FRMD5: variants seen among roughly 807,000 people sequenced by gnomAD.
The protein encoded by FRMD5 is FERM domain containing 5.
In FRMD5, 20 loss-of-function variants were observed where a neutral mutation model predicts 69.0. The ratio of observed to expected loss-of-function variants is 0.29; its 90% CI spans 0.20 to 0.42. The LOEUF (loss-of-function observed/expected upper bound fraction) is 0.42. FRMD5 is among the 10% of genes least tolerant of loss of function. FRMD5 has a pLI of 1.00. For missense variants in FRMD5, 595 were observed against 708.6 expected, an observed-to-expected ratio of 0.84 and a Z score of 1.82; for synonymous variants, 271 against 260.1, an observed-to-expected ratio of 1.04 and a Z score of -0.40.
intron 1 of FRMD5, among the ~76,000 whole-genome samples, chr15:43,928,399 C>T (rs192396905): frequency 6.6e-6 from 1 of 152,216 alleles, no homozygotes; most frequent in African/African-American, 2.4e-5. Context: ...GAGCTCTGCG[C>T]AGAGGCACCT....
intron 13 of FRMD5, among the ~76,000 whole-genome samples, chr15:43,881,069 CTT>C (rs2088514614): frequency 6.6e-6 from 1 of 152,234 alleles, no homozygotes; most frequent in South Asian, 2.1e-4. Flanking sequence ...AGCCCTCCCT[CTT>C]TTGGGAATGC....
chr15:43,907,331 G>C (rs1392390532), intron 5 of FRMD5, among the ~76,000 whole-genome samples: 2 of 152,200 alleles, frequency 1.3e-5, no homozygotes, highest in Non-Finnish European at 2.9e-5. Context: ...TCTACTGTTA[G>C]CAAGAGACCC....
chr15:44,171,026 A>C (rs1018388852), intron 1 of FRMD5, among the ~76,000 whole-genome samples: 13 of 152,156 alleles, frequency 8.5e-5, no homozygotes, highest in African/African-American at 3.1e-4. Flanking sequence ...GTTTTTTAAA[A>C]ACACACACAT....
chr15:43,910,312 A>C (rs1256908588), intron 4 of FRMD5, among the ~76,000 whole-genome samples: 1 of 151,998 alleles, frequency 6.6e-6, no homozygotes, highest in Non-Finnish European at 1.5e-5. Flanking sequence ...GAAAAAGAAA[A>C]CTATGCCATC....
intron 1 of FRMD5, among the ~76,000 whole-genome samples, chr15:44,183,900 T>G (rs2078054760): frequency 6.6e-6 from 1 of 151,672 alleles, no homozygotes; most frequent in Non-Finnish European, 1.5e-5. Flanking sequence ...GAGAATCACT[T>G]GAACCCAGGA....
chr15:43,889,904 A>T (rs536796664), intron 8 of FRMD5, among the ~76,000 whole-genome samples: 4 of 152,250 alleles, frequency 2.6e-5, no homozygotes, highest in African/African-American at 9.6e-5. Flanking sequence ...GTAATTTCTA[A>T]GGAGATTTCC....
intron 1 of FRMD5, among the ~76,000 whole-genome samples, chr15:43,940,524 A>G (rs985656865): frequency 6.6e-6 from 1 of 152,198 alleles, no homozygotes; most frequent in Admixed American, 6.5e-5. Context: ...TGAGACCATC[A>G]TGTCTAGAGC....
intron 6 of FRMD5, among the ~76,000 whole-genome samples, chr15:43,905,406 G>T (rs1311319126): frequency 1.3e-5 from 2 of 152,010 alleles, no homozygotes; most frequent in East Asian, 3.9e-4. Context: ...CAAAGTGCTG[G>T]GATTACAGCC....
At chr15:43,965,995 A>G (rs1263528958) in intron 1 of FRMD5, among the ~76,000 whole-genome samples, 1 of 152,198 alleles carries the variant, frequency 6.6e-6, no homozygotes, top group African/African-American at 2.4e-5. Context: ...TTTTTCCACA[A>G]ATGTTAATGA....
chr15:44,064,600 A>G, intron 1 of FRMD5, among the ~76,000 whole-genome samples: 1 of 152,300 alleles, frequency 6.6e-6, no homozygotes, highest in Admixed American at 6.5e-5. Flanking sequence ...AAAAAACAAA[A>G]CAAAACAAAA....
chr15:44,192,430 C>A (rs887363722), intron 1 of FRMD5, among the ~76,000 whole-genome samples: 3 of 152,140 alleles, frequency 2.0e-5, no homozygotes, highest in African/African-American at 7.2e-5. Flanking sequence ...GCATACAACA[C>A]TTTAAGGAAA....
rs775158630 is a variant in FRMD5 at position 44,191,979 on chromosome 15, T to C, written c.102+2974A>G. On this transcript the variant is annotated intron_variant, in intron 1 of 13. Coordinates refer to ENST00000417257, the MANE Select transcript of FRMD5 (RefSeq NM_032892.5). ...ATGAAACAGATGAATGAAAAACAGATGAGTAGACCAGATCTGCATTTACGA... is the reference window on the plus strand; with the variant it reads ...ATGAAACAGATGAATGAAAAACAGACGAGTAGACCAGATCTGCATTTACGA... Among the ~76,000 whole-genome samples, 31 of 144,906 alleles carry C rather than the reference T, an allele frequency of 2.1e-4. 1 individual carries two copies. Among genetic ancestry groups the C allele is most frequent in the Non-Finnish European group, 3.9e-4 (26 of 66,632 alleles).
chr15:44,066,242 G>T (rs967251802), intron 1 of FRMD5, among the ~76,000 whole-genome samples: 12 of 152,260 alleles, frequency 7.9e-5, no homozygotes, highest in South Asian at 4.1e-4. Flanking sequence ...ATCAATTCAA[G>T]AAATACCTAC....
rs574363766 is a variant in FRMD5 at position 43,888,455 on chromosome 15, G to A, written c.793-189C>T. Among the ~76,000 whole-genome samples the A allele has an allele frequency of 2.6e-4, 39 of 152,290 alleles. No individual in the cohort carries two copies. In the South Asian group the frequency reaches 7.1e-3, roughly 28 times the overall value. On this transcript the variant is annotated intron_variant, in intron 9 of 13. Transcript: ENST00000417257. ...ATCATACTTGGCAAGTCCAATCAGG[G>A]TAAGTCTCAGCTGGCACAAAAGTGG...
chr15:44,109,566 T>C (rs946936857), intron 1 of FRMD5, among the ~76,000 whole-genome samples: 1 of 151,896 alleles, frequency 6.6e-6, no homozygotes, highest in Non-Finnish European at 1.5e-5. Context: ...ACCCCCTACA[T>C]GAAACCCACC....
intron 1 of FRMD5, among the ~76,000 whole-genome samples, chr15:44,186,130 T>C (rs1173266106): frequency 2.6e-5 from 4 of 152,282 alleles, no homozygotes; most frequent in Admixed American, 2.6e-4. Flanking sequence ...TTTCTCCACG[T>C]TGGTCAGGCT....
chr15:44,096,367 A>C (rs542567693), intron 1 of FRMD5, among the ~76,000 whole-genome samples: 3 of 151,904 alleles, frequency 2.0e-5, no homozygotes, highest in East Asian at 3.9e-4. Context: ...CAAATGCTAC[A>C]GTGTATTACT....
chr15:44,171,881 A>G (rs114389549), intron 1 of FRMD5, among the ~76,000 whole-genome samples: 1,742 of 152,294 alleles, frequency 0.011, 25 homozygotes, highest in African/African-American at 0.039. Flanking sequence ...CTGGTGCCTC[A>G]GCCTCATGAG....
Position 44,037,152 on chromosome 15 carries a change from G to A in FRMD5, c.103-112843C>T, listed in dbSNP as rs180718086. ...CCCTCCCCTAGCTCCCCCAACCCCC[G>A]ACAGGCCCTGGTGTGTGATATTTCC... On this transcript the variant is annotated intron_variant, in intron 1 of 13. Coordinates refer to ENST00000417257, the MANE Select transcript of FRMD5 (RefSeq NM_032892.5). Among the ~76,000 whole-genome samples, 386 of 151,820 alleles carry A rather than the reference G, an allele frequency of 2.5e-3. 2 individuals carry two copies. Among genetic ancestry groups the A allele is most frequent in the Admixed American group, 3.3e-3 (51 of 15,270 alleles).
Sources: allele counts gnomAD v4.1 joint callset (sites outside exome capture counted in the v4.1 genomes callset), GRCh38; gene constraint gnomAD v4.1.1; transcripts MANE v1.5; gene names NCBI Gene and HGNC (gene_info 2026-07-23, HGNC 2026-07-21).